The following FXYD6 variants were observed in gnomAD, a reference collection of about 807,000 sequenced individuals.
FXYD6 encodes FXYD domain-containing ion transport regulator 6.
Under a neutral mutation model 16.7 loss-of-function variants are expected in FXYD6, and 7 were observed. The observed-to-expected ratio is 0.42, with a 90% CI of 0.24 to 0.79. The LOEUF (loss-of-function observed/expected upper bound fraction) is 0.79. FXYD6 is among the 30% of genes least tolerant of loss of function. The pLI, the probability that FXYD6 is intolerant of heterozygous loss-of-function variation, is 0.28. For missense variants in FXYD6, 111 were observed against 116.2 expected, an observed-to-expected ratio of 0.95 and a Z score of 0.21; for synonymous variants, 49 against 43.0, an observed-to-expected ratio of 1.14 and a Z score of -0.54.
At chr11:117,848,248 A>G (rs1415049145) in intron 1 of FXYD6, among the ~76,000 whole-genome samples, 1 of 152,126 alleles carries the variant, frequency 6.6e-6, no homozygotes, top group Non-Finnish European at 1.5e-5. Context: ...TTCCCCTCTA[A>G]TCCTGGTTTC....
At chr11:117,856,947 C>T (rs765986060) in intron 1 of FXYD6, among the ~76,000 whole-genome samples, 3 of 152,136 alleles carry the variant, frequency 2.0e-5, no homozygotes, top group African/African-American at 7.2e-5. Flanking sequence ...GTGGGCAGAA[C>T]AGGGCTGGCA....
chr11:117,874,637 G>A (rs1348383867), intron 1 of FXYD6, among the ~76,000 whole-genome samples: 1 of 152,174 alleles, frequency 6.6e-6, no homozygotes, highest in Non-Finnish European at 1.5e-5. Context: ...CTTTGTTAGG[G>A]CTCAGAGCCT....
chr11:117,856,446 C>T (rs1438432680), intron 1 of FXYD6, among the ~76,000 whole-genome samples: 1 of 152,176 alleles, frequency 6.6e-6, no homozygotes, highest in African/African-American at 2.4e-5. Flanking sequence ...TGCTTGCCTT[C>T]CTGCAGGCTC....
intron 1 of FXYD6, among the ~76,000 whole-genome samples, chr11:117,850,677 G>A (rs553179437): frequency 1.3e-5 from 2 of 151,122 alleles, no homozygotes; most frequent in South Asian, 2.1e-4. Flanking sequence ...TTATTTTTTT[G>A]GGGGGCGGTC....
intron 1 of FXYD6, among the ~76,000 whole-genome samples, chr11:117,859,466 C>T (rs2056853496): frequency 6.6e-6 from 1 of 152,230 alleles, no homozygotes; most frequent in Non-Finnish European, 1.5e-5. Context: ...AAAACCCACA[C>T]TTGAGGCCCA....
At chr11:117,869,542 G>C (rs1359184033) in intron 1 of FXYD6, among the ~76,000 whole-genome samples, 2 of 152,220 alleles carry the variant, frequency 1.3e-5, no homozygotes, top group African/African-American at 4.8e-5. Context: ...CGGCTGCACA[G>C]GGTGGAGCGG....
At chr11:117,858,151 C>T (rs561838221) in intron 1 of FXYD6, 1 of 152,524 alleles carries the variant, frequency 6.6e-6, no homozygotes, top group East Asian at 1.9e-4. Flanking sequence ...CCCCTGCTTC[C>T]CATCCATGCT....
In FXYD6 at chr11:117,837,998, C is replaced by T. The variant is rs111538757; in HGVS notation, c.*301G>A. On this transcript the variant is annotated 3_prime_UTR_variant, in exon 8 of 8. Transcript: ENST00000526014. This position sits in a 1 kb window ranked among gnomAD's most constrained non-coding sequence, Gnocchi z 4.4. The stretch of plus-strand genomic sequence containing the variant: ...TCACTAACAAACACAATACCATCCA[C>T]AAACAAGTAGCCACAAAGACCACAG... The T allele has an allele frequency of 3.6e-4, 216 of 597,210 alleles. No homozygotes were observed. The highest frequency in any genetic ancestry group is 1.4e-4 in the Non-Finnish European group (45 of 332,416). The allele number at this position is 597,210 out of a possible 1,614,324, so 37.0% of individuals were successfully genotyped here.
At chr11:117,864,641 C>T (rs751146461) in intron 1 of FXYD6, among the ~76,000 whole-genome samples, 3 of 152,154 alleles carry the variant, frequency 2.0e-5, no homozygotes. Flanking sequence ...GGCTGGAGTG[C>T]AACGGCTCAA....
chr11:117,868,939 C>A (rs1410316559), intron 1 of FXYD6: 1 of 152,252 alleles, frequency 6.6e-6, no homozygotes, highest in Non-Finnish European at 1.5e-5. Context: ...AGCTGGGCTT[C>A]TCTGGTTCAG....
intron 7 of FXYD6, chr11:117,839,569 G>A (rs974289656): frequency 1.1e-5 from 6 of 537,026 alleles, no homozygotes; most frequent in Non-Finnish European, 2.0e-5. Flanking sequence ...CCTGGTGTTG[G>A]CATGCATGTG....
intron 1 of FXYD6, among the ~76,000 whole-genome samples, chr11:117,867,086 C>G (rs2057028840): frequency 6.6e-6 from 1 of 152,202 alleles, no homozygotes; most frequent in South Asian, 2.1e-4. Flanking sequence ...CTTTCCACAG[C>G]AGAGAAATTT....
intron 1 of FXYD6, among the ~76,000 whole-genome samples, chr11:117,857,400 A>G (rs2056757214): frequency 7.3e-6 from 1 of 137,488 alleles, no homozygotes; most frequent in Non-Finnish European, 1.5e-5. Flanking sequence ...ATGTATTGGG[A>G]AAGAAGTGGA....
intron 1 of FXYD6, among the ~76,000 whole-genome samples, chr11:117,855,191 TA>T (rs1441917445): frequency 2.6e-5 from 4 of 152,216 alleles, no homozygotes; most frequent in Non-Finnish European, 4.4e-5. Flanking sequence ...CCTGCCTTTG[TA>T]TTCTAAAGAA....
intron 1 of FXYD6, among the ~76,000 whole-genome samples, chr11:117,865,219 T>C (rs1025179449): frequency 6.6e-6 from 1 of 151,862 alleles, no homozygotes; most frequent in Non-Finnish European, 1.5e-5. Flanking sequence ...AAATAACAAG[T>C]GTTGGTGAGG....
At chr11:117,856,190 T>C (rs1181565526) in intron 1 of FXYD6, among the ~76,000 whole-genome samples, 1 of 152,184 alleles carries the variant, frequency 6.6e-6, no homozygotes, top group East Asian at 1.9e-4. Flanking sequence ...TTTCACTTAA[T>C]TGCTGGGTAA....
chr11:117,855,287 GT>G (rs540960115), intron 1 of FXYD6, among the ~76,000 whole-genome samples: 19 of 152,364 alleles, frequency 1.2e-4, no homozygotes, highest in African/African-American at 4.3e-4. Context: ...GCAAGCTGCT[GT>G]CCCAGCCTGG....
At chr11:117,851,644 G>A (rs1028146576) in intron 1 of FXYD6, among the ~76,000 whole-genome samples, 1 of 152,154 alleles carries the variant, frequency 6.6e-6, no homozygotes, top group Non-Finnish European at 1.5e-5. Context: ...CATTGTTTTT[G>A]AACGTTAGTC....
At chr11:117,841,627 C>T (rs906084643) in intron 4 of FXYD6, 164 bp downstream of exon 4, 7 of 697,850 alleles carry the variant, frequency 1.0e-5, no homozygotes, top group Non-Finnish European at 1.7e-5. Flanking sequence ...TTACTGAGCA[C>T]TTACTATGTG....
Sources: allele counts gnomAD v4.1 joint callset (sites outside exome capture counted in the v4.1 genomes callset), GRCh38; gene constraint gnomAD v4.1.1; non-coding constraint Gnocchi (gnomAD v3.1); transcripts MANE v1.5; gene names NCBI Gene and HGNC (gene_info 2026-07-23, HGNC 2026-07-21).